Variants in AUNIP observed in about 807,000 individuals in gnomAD.
AUNIP encodes aurora kinase A and ninein interacting protein, also known as aurora kinase A- and ninein-interacting protein.
AUNIP carries 16 observed loss-of-function variants against 12.2 expected under a neutral mutation model. The observed-to-expected ratio is 1.31, with a 90% CI of 0.88 to 1.99. The LOEUF is 1.99. AUNIP is among the 30% of genes most tolerant of loss of function. The probability of loss-of-function intolerance (pLI) is 0.00; values close to 1 mark genes in which losing one functional copy is unlikely to be tolerated. For synonymous variants in AUNIP, 142 were observed against 154.8 expected, an observed-to-expected ratio of 0.92 and a Z score of 0.61; for missense variants, 411 against 419.1, an observed-to-expected ratio of 0.98 and a Z score of 0.17.
At chr1:25,854,994 T>C (rs1359468381) in intron 1 of AUNIP, among the ~76,000 whole-genome samples, 1 of 144,496 alleles carries the variant, frequency 6.9e-6, no homozygotes, top group East Asian at 2.2e-4. Context: ...TCTCACTCTA[T>C]CACCCAGTCT....
In AUNIP at chr1:25,835,110, C is replaced by T. The variant is rs745488262; in HGVS notation, c.957G>A (p.Pro319=). ...ACTGAGCCCAAGGACTGTTAGGAAA[C>T]GGCCCTAAGTCCCAATTCCAGTTAT... The part of the protein sequence containing the change: ...VTNNWNWDLG[P]FPNSPWAQCQ... The change falls in exon 3 of 3, where the codon CCG becomes CCA. Residue 319 remains proline (P), a synonymous_variant. Transcript: ENST00000374298. 9.9e-6 allele frequency: 16 copies of T among 1,614,118 alleles called. No individual in the cohort carries two copies. The highest frequency in any genetic ancestry group is 3.3e-5 in the Admixed American group (2 of 60,008).
chr1:25,855,634 C>G (rs960271812), intron 1 of AUNIP, among the ~76,000 whole-genome samples: 1 of 152,168 alleles, frequency 6.6e-6, no homozygotes, highest in Non-Finnish European at 1.5e-5. Context: ...CTACAAACTA[C>G]TCATTCTCTC....
Position 25,845,616 on chromosome 1 carries a change from TC to T in AUNIP, c.79-8063del, listed in dbSNP as rs568709497. The stretch of plus-strand genomic sequence containing the variant: ...TCTGAAAACTTATCATCCTACAAAA[TC>T]CCAACATCAGCATGTGATTCACATA... On this transcript the variant is annotated intron_variant, in intron 1 of 2. Transcript: ENST00000374298. Among the ~76,000 whole-genome samples the T allele has an allele frequency of 8.5e-5, 13 of 152,296 alleles. No homozygotes were observed. The East Asian group carries it at 2.5e-3, about 29-fold the overall frequency.
intron 1 of AUNIP, among the ~76,000 whole-genome samples, chr1:25,857,792 G>A (rs2048474633): frequency 6.6e-6 from 1 of 151,656 alleles, no homozygotes; most frequent in Admixed American, 6.6e-5. Flanking sequence ...GAACCCGGGA[G>A]GCAGAGGTTG....
chr1:25,859,084 C>T (rs1432945799), intron 1 of AUNIP, among the ~76,000 whole-genome samples, 196 bp downstream of exon 1: 1 of 152,082 alleles, frequency 6.6e-6, no homozygotes, highest in Admixed American at 6.6e-5. Context: ...TCCTTCCGTC[C>T]CTCCCATCCT....
At chr1:25,851,069 T>C (rs2048421239) in intron 1 of AUNIP, among the ~76,000 whole-genome samples, 1 of 152,198 alleles carries the variant, frequency 6.6e-6, no homozygotes, top group African/African-American at 2.4e-5. Flanking sequence ...TCCTGGTCTG[T>C]TGAGTGTTTT....
chr1:25,832,296 G>A (rs1208508124), downstream of AUNIP: 33 of 973,840 alleles, frequency 3.4e-5, no homozygotes, highest in Non-Finnish European at 4.8e-5. Flanking sequence ...TAAGAGAGAA[G>A]TTGTTTCTGG....
chr1:25,834,936 A>G lies in AUNIP; in HGVS notation c.*57T>C, dbSNP rs1265622507. 6.5e-7 allele frequency: 1 copy of G among 1,549,892 alleles called. No individual in the cohort carries two copies. The highest frequency in any genetic ancestry group is 1.4e-5 in the African/African-American group (1 of 72,576). On this transcript the variant is annotated 3_prime_UTR_variant, in exon 3 of 3. Transcript: ENST00000374298. Reference sequence around the variant, plus strand: ...CTCACTCCTCTCTCCACCCACAACTATATTTTCCTACATCTCTATCATTTC... The same window carrying G: ...CTCACTCCTCTCTCCACCCACAACTGTATTTTCCTACATCTCTATCATTTC...
At chr1:25,845,996 CTG>C (rs891199485) in intron 1 of AUNIP, among the ~76,000 whole-genome samples, 1 of 152,194 alleles carries the variant, frequency 6.6e-6, no homozygotes, top group African/African-American at 2.4e-5. Flanking sequence ...GAGCACCACT[CTG>C]TATTGGTTTT....
At chr1:25,852,755 A>G (rs2048433003) in intron 1 of AUNIP, among the ~76,000 whole-genome samples, 1 of 152,026 alleles carries the variant, frequency 6.6e-6, no homozygotes, top group Non-Finnish European at 1.5e-5. Flanking sequence ...TCTTTTTAAT[A>G]AAAGCATTTA....
At chr1:25,841,378 TTTTTAC>T (rs2048346424) in intron 1 of AUNIP, among the ~76,000 whole-genome samples, 1 of 152,216 alleles carries the variant, frequency 6.6e-6, no homozygotes, top group Admixed American at 6.5e-5. Flanking sequence ...TTTGTTTTTG[TTTTTAC>T]AAATTGAAGG....
At chr1:25,857,889 C>A (rs531947052) in intron 1 of AUNIP, among the ~76,000 whole-genome samples, 1 of 151,950 alleles carries the variant, frequency 6.6e-6, no homozygotes, top group African/African-American at 2.4e-5. Context: ...AATAATATGC[C>A]GGGCGCAGTG....
chr1:25,851,991 T>A (rs942154437), intron 1 of AUNIP, among the ~76,000 whole-genome samples: 9 of 151,844 alleles, frequency 5.9e-5, no homozygotes, highest in South Asian at 2.1e-4. Flanking sequence ...GTCACTCTCT[T>A]ACCCAGGCTG....
chr1:25,849,160 T>C (rs898088230), intron 1 of AUNIP, among the ~76,000 whole-genome samples: 1 of 152,232 alleles, frequency 6.6e-6, no homozygotes. Context: ...CTATTCATAA[T>C]GTCCCACTGC....
chr1:25,838,409 A>C (rs2048320576), intron 1 of AUNIP, among the ~76,000 whole-genome samples: 1 of 152,190 alleles, frequency 6.6e-6, no homozygotes, highest in Non-Finnish European at 1.5e-5. Flanking sequence ...AGGCTGAGGC[A>C]GAAGAATCGC....
rs894503971 is a variant in AUNIP, at chr1:25,834,424, G to A, written c.*569C>T. The A allele has an allele frequency of 1.2e-6, 1 of 862,574 alleles. No homozygotes were observed. The highest frequency in any genetic ancestry group is 1.8e-5 in the African/African-American group (1 of 54,466). 53.4% of individuals were successfully genotyped at this position (862,574 alleles called of 1,614,324 possible). A position where few individuals can be genotyped will look rare whatever the true frequency, so the allele number is the denominator to read the frequency against. On this transcript the variant is annotated 3_prime_UTR_variant, in exon 3 of 3. Coordinates refer to ENST00000374298, the MANE Select transcript of AUNIP (RefSeq NM_024037.3). ...AGGTCAGGAGATGGAGACCATCCTG[G>A]CTAATATGGTGAAACCTCGTCTCTA... is the stretch of plus-strand genomic sequence containing the variant.
At chr1:25,854,521 G>A (rs1361672325) in intron 1 of AUNIP, among the ~76,000 whole-genome samples, 1 of 152,144 alleles carries the variant, frequency 6.6e-6, no homozygotes, top group African/African-American at 2.4e-5. Context: ...AGATCTGCAG[G>A]CCTGTGAACT....
chr1:25,838,332 G>A (rs1389420072), intron 1 of AUNIP, among the ~76,000 whole-genome samples: 1 of 151,204 alleles, frequency 6.6e-6, no homozygotes, highest in Non-Finnish European at 1.5e-5. Context: ...GTGAAACCCT[G>A]TCTCTACTAA....
At position 25,834,518 on chromosome 1, in the gene AUNIP, G is replaced by A. The variant is rs1345079143; in HGVS notation, c.*475C>T. ...TGTAGTCCCTGCTATTCGGGAGGCT[G>A]AGGCAGGAGAATCGCTTGAATCCGG... On this transcript the variant is annotated 3_prime_UTR_variant, in exon 3 of 3. Transcript: ENST00000374298. The A allele has an allele frequency of 9.1e-6, 7 of 765,516 alleles. No homozygotes were observed. The highest frequency in any genetic ancestry group is 1.1e-5 in the Non-Finnish European group (7 of 629,296). 47.4% of individuals were successfully genotyped at this position (765,516 alleles called of 1,614,324 possible). A position where few individuals can be genotyped will look rare whatever the true frequency, so the allele number is the denominator to read the frequency against.
Sources: gnomAD v4.1 joint callset for allele counts (sites outside exome capture counted in the v4.1 genomes callset) on GRCh38, gnomAD v4.1.1 for gene constraint, MANE v1.5 for transcripts, NCBI Gene and HGNC (gene_info 2026-07-23, HGNC 2026-07-21) for gene names.